The following MAP4 variants were observed in gnomAD, a reference collection of about 807,000 sequenced individuals.
MAP4 encodes the protein microtubule-associated protein 4.
A neutral mutation model predicts 170.2 loss-of-function variants in MAP4; 76 were observed. The ratio of observed to expected loss-of-function variants is 0.45; its 90% CI spans 0.37 to 0.54. The LOEUF is 0.54. Ranked by LOEUF, MAP4 falls within the 20% of genes least tolerant of loss-of-function variation. The pLI is 0.00. For missense variants in MAP4, 2,506 were observed against 2,748.0 expected, an observed-to-expected ratio of 0.91 and a Z score of 1.97; for synonymous variants, 909 against 994.5, an observed-to-expected ratio of 0.91 and a Z score of 1.62.
At chr3:47,923,366 C>T (rs762476907) in intron 4 of MAP4, among the ~76,000 whole-genome samples, 1 of 150,980 alleles carries the variant, frequency 6.6e-6, no homozygotes, top group Non-Finnish European at 1.5e-5. Flanking sequence ...ACCACTGCAT[C>T]GGGAAGTGTG....
In MAP4 at chr3:47,852,350, A is replaced by T; in HGVS notation, c.*584T>A. 1 of 173,318 alleles carries T rather than the reference A, an allele frequency of 5.8e-6. No individual in the cohort carries two copies. The highest frequency in any genetic ancestry group is 1.2e-5 in the Non-Finnish European group (1 of 82,256). 10.7% of individuals were successfully genotyped at this position (173,318 alleles called of 1,614,324 possible). The stretch of plus-strand genomic sequence containing the variant: ...GACCCCCAACTTGGGGCAGGGCAGC[A>T]AGAAGGGCCCGACACCACCTGCATG... On this transcript the variant is annotated 3_prime_UTR_variant, in exon 21 of 21. Transcript: ENST00000683076.
intron 1 of MAP4, among the ~76,000 whole-genome samples, chr3:48,056,198 G>A (rs62260846): frequency 8.5e-6 from 1 of 117,120 alleles, no homozygotes; most frequent in East Asian, 3.0e-4. Context: ...CAGCCATGCC[G>A]TCCGGGAGGG....
At chr3:47,897,950 G>GGGGGGGGGGAAA (rs1491497294) in intron 10 of MAP4, among the ~76,000 whole-genome samples, 1 of 134,540 alleles carries the variant, frequency 7.4e-6, no homozygotes, top group African/African-American at 2.9e-5. Flanking sequence ...TCGGGGGGGG[G>GGGGGGGGGGAAA]AAAAAAAAAA....
At chr3:47,861,830 G>T (rs2066659681) in intron 17 of MAP4, among the ~76,000 whole-genome samples, 1 of 151,994 alleles carries the variant, frequency 6.6e-6, no homozygotes, top group South Asian at 2.1e-4. Context: ...CTGCACTCCA[G>T]CCTGGGCCAC....
chr3:47,998,575 C>A, intron 2 of MAP4, 63 bp downstream of exon 2: 1 of 1,297,912 alleles, frequency 7.7e-7, no homozygotes, highest in South Asian at 1.3e-5. Flanking sequence ...CAAGATTATA[C>A]CAAAGGCATA....
intron 3 of MAP4, chr3:47,974,223 C>A (rs1056551096): frequency 4.9e-4 from 264 of 541,338 alleles, no homozygotes; most frequent in Non-Finnish European, 5.8e-4. Context: ...ATCAGGAGTT[C>A]GAGACCAGCC....
intron 10 of MAP4, among the ~76,000 whole-genome samples, chr3:47,895,531 G>A (rs375648060): frequency 2.6e-5 from 4 of 152,238 alleles, no homozygotes; most frequent in African/African-American, 7.2e-5. Flanking sequence ...CATGGCGGAC[G>A]TTGCAGCATG....
chr3:48,020,247 C>T (rs1455625986), upstream of MAP4, among the ~76,000 whole-genome samples: 3 of 152,150 alleles, frequency 2.0e-5, no homozygotes, highest in African/African-American at 4.8e-5. Context: ...TTGAGTTCCT[C>T]GATGGCTAGG....
chr3:47,858,021 C>CT (rs397817713), intron 17 of MAP4, among the ~76,000 whole-genome samples: 32,416 of 118,302 alleles, frequency 0.27, 4,643 homozygotes, highest in Admixed American at 0.32. Flanking sequence ...CTGGCCTTCA[C>CT]TTTTTTTTTT....
chr3:48,035,187 T>C (rs2100118160), intron 1 of MAP4, among the ~76,000 whole-genome samples: 1 of 118,100 alleles, frequency 8.5e-6, no homozygotes, highest in South Asian at 2.6e-4. Context: ...GTCTGATTTG[T>C]ATGAAAAAAA....
intron 3 of MAP4, among the ~76,000 whole-genome samples, chr3:47,966,142 T>C (rs1277246512): frequency 1.3e-5 from 2 of 149,440 alleles, no homozygotes; most frequent in East Asian, 4.0e-4. Context: ...TACTTTACCA[T>C]AGCTCACTGC....
chr3:47,906,192 T>C (rs2100032906), intron 9 of MAP4, among the ~76,000 whole-genome samples: 1 of 151,952 alleles, frequency 6.6e-6, no homozygotes, highest in Non-Finnish European at 1.5e-5. Context: ...GACATCTCTG[T>C]AGGCCTACAG....
chr3:47,981,185 A>G (rs2100085206), intron 2 of MAP4, among the ~76,000 whole-genome samples: 1 of 152,242 alleles, frequency 6.6e-6, no homozygotes, highest in Non-Finnish European at 1.5e-5. Context: ...ATATTGTAAA[A>G]TAGTACACAG....
In MAP4 at chr3:47,852,957, A is replaced by G. The variant is rs1305478533; in HGVS notation, c.6887-19T>C. The G allele has an allele frequency of 6.2e-7, 1 of 1,613,640 alleles. No homozygotes were observed. The highest frequency in any genetic ancestry group is 8.5e-7 in the Non-Finnish European group (1 of 1,179,784). On this transcript the variant is annotated intron_variant, in intron 20 of 20. Transcript: ENST00000683076. ...TCTCAATCTGCAGTGACATGGGAGG[A>G]GGGAAGGGAGAGGGGAACAGGGGAG...
At chr3:47,883,435 G>A (rs1372872100) in intron 10 of MAP4, among the ~76,000 whole-genome samples, 2 of 152,132 alleles carry the variant, frequency 1.3e-5, no homozygotes, top group Admixed American at 1.3e-4. Flanking sequence ...ATGTTGGTCA[G>A]GCTGGTCTCG....
At chr3:47,905,238 AAAATAT>A (rs2153427607) in intron 9 of MAP4, among the ~76,000 whole-genome samples, 1 of 152,352 alleles carries the variant, frequency 6.6e-6, no homozygotes, top group East Asian at 1.9e-4. Flanking sequence ...GACTTCAAGA[AAAATAT>A]TGAGTGGATT....
At chr3:47,997,236 A>G (rs2100096260) in intron 2 of MAP4, among the ~76,000 whole-genome samples, 1 of 151,290 alleles carries the variant, frequency 6.6e-6, no homozygotes, top group Non-Finnish European at 1.5e-5. Context: ...CAGCTGACTT[A>G]ACCACTTCAA....
At chr3:47,907,979 T>C (rs1284885331) in intron 9 of MAP4, among the ~76,000 whole-genome samples, 2 of 152,176 alleles carry the variant, frequency 1.3e-5, no homozygotes, top group Non-Finnish European at 2.9e-5. Flanking sequence ...AACAAGTCCA[T>C]ACCATGCAGA....
chr3:47,955,117 G>T (rs911441061), intron 3 of MAP4, among the ~76,000 whole-genome samples: 1 of 152,114 alleles, frequency 6.6e-6, no homozygotes. Context: ...AAGTCAGATG[G>T]ATCTTAGTGA....
Sources: allele counts gnomAD v4.1 joint callset (sites outside exome capture counted in the v4.1 genomes callset), GRCh38; gene constraint gnomAD v4.1.1; transcripts MANE v1.5; gene names NCBI Gene and HGNC (gene_info 2026-07-23, HGNC 2026-07-21).